Variants in KATNBL1 observed in about 807,000 individuals in gnomAD.
KATNBL1 encodes katanin regulatory subunit B1 like 1.
In KATNBL1, 28 loss-of-function variants were observed where a neutral mutation model predicts 44.7. That is an observed-to-expected ratio of 0.63 (90% CI 0.46 to 0.86). KATNBL1 has a LOEUF of 0.86. Among genes scored for constraint, KATNBL1 ranks in the 40% least tolerant of loss-of-function variants. KATNBL1 has a pLI of 0.00. For missense variants in KATNBL1, 272 were observed against 350.7 expected (o/e 0.78, Z 1.79); for synonymous variants, 78 against 114.9 (o/e 0.68, Z 2.06).
intron 1 of KATNBL1, among the ~76,000 whole-genome samples, chr15:34,179,486 T>C (rs766701384): frequency 4.6e-5 from 7 of 152,100 alleles, no homozygotes; most frequent in African/African-American, 7.2e-5. Flanking sequence ...ATTGAAACCA[T>C]AGCAATGGTA....
intron 1 of KATNBL1, among the ~76,000 whole-genome samples, chr15:34,190,049 A>G (rs950653626): frequency 6.6e-6 from 1 of 150,864 alleles, no homozygotes; most frequent in African/African-American, 2.4e-5. Context: ...GGTTCATGCC[A>G]TTCTTCTGCC....
intron 1 of KATNBL1, among the ~76,000 whole-genome samples, chr15:34,175,829 C>A (rs1200477204): frequency 3.9e-5 from 6 of 151,976 alleles, no homozygotes. Flanking sequence ...CACGCCATTG[C>A]ACTCCAGCCT....
At chr15:34,206,985 A>G (rs534728672) in intron 1 of KATNBL1, among the ~76,000 whole-genome samples, 1 of 152,186 alleles carries the variant, frequency 6.6e-6, no homozygotes, top group South Asian at 2.1e-4. Context: ...AAACATCAAC[A>G]TAATACTGAC....
At position 34,145,511 on chromosome 15, in the gene KATNBL1, G is replaced by T; in HGVS notation, c.789-20C>A. On this transcript the variant is annotated intron_variant, in intron 8 of 9. Coordinates refer to ENST00000256544, the MANE Select transcript of KATNBL1 (RefSeq NM_024713.3). ...ATATTTCTAAAAGAAAAAAAAGGAA[G>T]AAAAATGAGAAAGCAAATACATTAA... is the stretch of plus-strand genomic sequence containing the variant. The T allele has an allele frequency of 7.1e-7, 1 of 1,407,246 alleles. No homozygotes were observed. Among genetic ancestry groups the T allele is most frequent in the South Asian group, 1.7e-5 (1 of 58,244 alleles). The allele number at this position is 1,407,246 out of a possible 1,614,324, so 87.2% of individuals were successfully genotyped here. A position where few individuals can be genotyped will look rare whatever the true frequency, so the allele number is the denominator to read the frequency against.
intron 1 of KATNBL1, among the ~76,000 whole-genome samples, chr15:34,197,503 G>A (rs1446061441): frequency 1.3e-5 from 2 of 152,220 alleles, no homozygotes; most frequent in Admixed American, 6.5e-5. Context: ...TGCCTTTGGT[G>A]TAAGAAACAT....
rs571645272 is a variant in KATNBL1, at chr15:34,145,658, A to T, written c.789-167T>A. On this transcript the variant is annotated intron_variant, in intron 8 of 9. Coordinates refer to ENST00000256544, the MANE Select transcript of KATNBL1 (RefSeq NM_024713.3). ...TTGGGAACGTGGAGAGAAATTAAAAAAAAATCAAATAACTTTTAGAATAAT... is the reference window on the plus strand; with the variant it reads ...TTGGGAACGTGGAGAGAAATTAAAATAAAATCAAATAACTTTTAGAATAAT... 9.4e-4 allele frequency: 558 copies of T among 593,388 alleles called. 3 individuals are homozygous for T. In the African/African-American group the frequency reaches 9.8e-3, roughly 10 times the overall value. The allele number at this position is 593,388 out of a possible 1,614,324, so 36.8% of individuals were successfully genotyped here.
intron 1 of KATNBL1, among the ~76,000 whole-genome samples, chr15:34,193,225 A>AAC (rs1889932519): frequency 7.4e-6 from 1 of 135,696 alleles, no homozygotes; most frequent in African/African-American, 2.7e-5. Flanking sequence ...TCAAAAAAAA[A>AAC]AAAAAAAAAA....
chr15:34,182,354 TA>T (rs1889592275), intron 1 of KATNBL1, among the ~76,000 whole-genome samples: 1 of 152,190 alleles, frequency 6.6e-6, no homozygotes, highest in South Asian at 2.1e-4. Flanking sequence ...TTATCACCAA[TA>T]ATACTTATAA....
At chr15:34,161,745 T>TACAGAGCAGGTGACTAAGATGACTGAGG (rs1888815318) in intron 2 of KATNBL1, among the ~76,000 whole-genome samples, 5 of 152,090 alleles carry the variant, frequency 3.3e-5, no homozygotes, top group African/African-American at 9.7e-5. Flanking sequence ...GAAGGATGGT[T>TACAGAGCAGGTGACTAAGATGACTGAGG]ACAGAGCAGG....
intron 1 of KATNBL1, chr15:34,199,654 T>C (rs1417760172): frequency 1.3e-5 from 2 of 152,514 alleles, no homozygotes; most frequent in Non-Finnish European, 2.9e-5. Context: ...TTCCCTCTGG[T>C]GGGTTCGTGG....
chr15:34,164,403 C>A (rs1888902419), intron 1 of KATNBL1, among the ~76,000 whole-genome samples: 1 of 152,050 alleles, frequency 6.6e-6, no homozygotes, highest in African/African-American at 2.4e-5. Context: ...GTCAAAACAA[C>A]CCTAAGCAAT....
chr15:34,178,715 C>T (rs913084616), intron 1 of KATNBL1, among the ~76,000 whole-genome samples: 14 of 146,222 alleles, frequency 9.6e-5, no homozygotes, highest in Non-Finnish European at 2.1e-4. Flanking sequence ...GAGATCGTGC[C>T]ACTGCACTCC....
At chr15:34,181,102 C>G (rs866514050) in intron 1 of KATNBL1, among the ~76,000 whole-genome samples, 1 of 152,088 alleles carries the variant, frequency 6.6e-6, no homozygotes, top group Non-Finnish European at 1.5e-5. Flanking sequence ...CTATAGTGTT[C>G]ATGGTAAAAT....
intron 1 of KATNBL1, 48 bp downstream of exon 1, chr15:34,209,903 C>A (rs1462422584): frequency 1.3e-5 from 2 of 151,650 alleles, no homozygotes; most frequent in African/African-American, 4.8e-5. Context: ...CCTGCCAGGG[C>A]AGGGCAGCTG....
intron 1 of KATNBL1, among the ~76,000 whole-genome samples, chr15:34,188,157 A>G (rs1889773242): frequency 6.7e-6 from 1 of 148,724 alleles, no homozygotes; most frequent in African/African-American, 2.5e-5. Flanking sequence ...AAAAAAAAAA[A>G]AAAAAAAAGA....
intron 2 of KATNBL1, among the ~76,000 whole-genome samples, chr15:34,161,467 C>T (rs143139152): frequency 1.4e-4 from 22 of 152,276 alleles, no homozygotes; most frequent in Admixed American, 4.6e-4. Context: ...TGCTCAATGC[C>T]GCAAAGAAGA....
rs766553732 is a variant in KATNBL1, at chr15:34,200,322, G to A, written c.-15+9629C>T. Among the ~76,000 whole-genome samples, 24 of 150,974 alleles carry A rather than the reference G, an allele frequency of 1.6e-4. 1 individual carries two copies. Among genetic ancestry groups the A allele is most frequent in the East Asian group, 5.9e-4 (3 of 5,110 alleles). The stretch of plus-strand genomic sequence containing the variant: ...GGCTGGAGTGCAGTGGCGCCATCTC[G>A]GCTCACTGCAACCTTCGCCTCCCGC... On this transcript the variant is annotated intron_variant, in intron 1 of 9. Coordinates refer to ENST00000256544, the MANE Select transcript of KATNBL1 (RefSeq NM_024713.3).
chr15:34,197,139 TTC>T (rs750396155), intron 1 of KATNBL1, among the ~76,000 whole-genome samples: 2 of 152,240 alleles, frequency 1.3e-5, no homozygotes, highest in East Asian at 1.9e-4. Flanking sequence ...TAACACAAGA[TTC>T]TGTCTTGTCA....
At chr15:34,189,357 T>C (rs1161055777) in intron 1 of KATNBL1, among the ~76,000 whole-genome samples, 1 of 152,162 alleles carries the variant, frequency 6.6e-6, no homozygotes, top group African/African-American at 2.4e-5. Flanking sequence ...TCTATGTAAG[T>C]ATAATCCAAA....
Sources: gnomAD v4.1 joint callset for allele counts (sites outside exome capture counted in the v4.1 genomes callset) on GRCh38, gnomAD v4.1.1 for gene constraint, MANE v1.5 for transcripts, NCBI Gene and HGNC (gene_info 2026-07-23, HGNC 2026-07-21) for gene names.